Variants in MAP4K1 observed in about 807,000 individuals in gnomAD.
MAP4K1 encodes the protein MAPK/ERK kinase kinase kinase 1.
MAP4K1 carries 35 observed loss-of-function variants against 122.8 expected under a neutral mutation model. The ratio of observed to expected loss-of-function variants is 0.29; its 90% CI spans 0.22 to 0.38. The LOEUF (loss-of-function observed/expected upper bound fraction) is 0.38, where lower values mean the gene tolerates loss of function less well. Ranked by LOEUF, MAP4K1 falls within the 10% of genes least tolerant of loss-of-function variation. The pLI is 1.00. For synonymous variants in MAP4K1, 412 were observed against 421.3 expected, an observed-to-expected ratio of 0.98 and a Z score of 0.27; for missense variants, 791 against 1,072.6, an observed-to-expected ratio of 0.74 and a Z score of 3.67.
Position 38,608,157 on chromosome 19 carries a change from C to T in MAP4K1, c.1020G>A (p.Glu340=), listed in dbSNP as rs1380108572. 2.6e-6 allele frequency: 4 copies of T among 1,522,258 alleles called. No homozygotes were observed. The Admixed American group carries it at 8.9e-5, about 34-fold the overall frequency. 94.3% of individuals were successfully genotyped at this position (1,522,258 alleles called of 1,614,324 possible). A position where few individuals can be genotyped will look rare whatever the true frequency, so the allele number is the denominator to read the frequency against. The change falls in exon 14 of 31, where the codon GAG becomes GAA. Residue 340 remains glutamate, a synonymous_variant. Transcript: ENST00000396857. ...PDADCCRRHM[E]FRKLRGMETR... is the part of the protein sequence containing the mutation. Reference sequence around the variant, plus strand: ...TCTCCATTCCTCGGAGCTTCCTGAACTCCATGTGCCGCCCTAGGGTGGGTG... The same window carrying T: ...TCTCCATTCCTCGGAGCTTCCTGAATTCCATGTGCCGCCCTAGGGTGGGTG...
chr19:38,612,481 AC>A, intron 9 of MAP4K1, 129 bp downstream of exon 9: 1 of 533,986 alleles, frequency 1.9e-6, no homozygotes. Flanking sequence ...GAGCTGCAGC[AC>A]GTGCAAAGGT....
intron 19 of MAP4K1, among the ~76,000 whole-genome samples, chr19:38,602,911 T>C (rs932503926): frequency 6.8e-6 from 1 of 146,520 alleles, no homozygotes; most frequent in Non-Finnish European, 1.5e-5. Context: ...TATACACACA[T>C]GTACACATAT....
intron 5 of MAP4K1, 40 bp downstream of exon 5, chr19:38,614,350 C>T (rs368492273): frequency 1.2e-6 from 2 of 1,613,782 alleles, no homozygotes; most frequent in Non-Finnish European, 1.7e-6. Flanking sequence ...GTGGGGCCAC[C>T]CTCCCCTCCC....
intron 22 of MAP4K1, among the ~76,000 whole-genome samples, chr19:38,598,872 G>A (rs911022895): frequency 1.1e-4 from 17 of 150,186 alleles, no homozygotes; most frequent in Admixed American, 8.6e-4. Flanking sequence ...AATTAGCCGC[G>A]TGTGGTGGCA....
intron 4 of MAP4K1, 106 bp downstream of exon 4, chr19:38,616,089 C>G (rs1484090658): frequency 1.3e-6 from 1 of 750,448 alleles, no homozygotes; most frequent in Non-Finnish European, 2.1e-6. Flanking sequence ...CCCAGAAAGA[C>G]AGTTCCTGTG....
In MAP4K1 at chr19:38,595,707, C is replaced by T. The variant is rs752817783; in HGVS notation, c.2202G>A (p.Pro734=). ...LMDGSVKLVT[P]EGSPVRGLRT... is the part of the protein sequence containing the mutation. The stretch of plus-strand genomic sequence containing the variant: ...GAAGTCCCCGGACTGGGGACCCCTC[C>T]GGGGTCACCAGCTTCACAGAGCCTG... Residue 734 remains proline (P), a synonymous_variant, in exon 28 of 31, where the codon CCG becomes CCA. Transcript: ENST00000396857. 4.2e-5 allele frequency: 68 copies of T among 1,605,930 alleles called. 1 individual carries two copies. The East Asian group carries it at 1.5e-3, about 35-fold the overall frequency.
At chr19:38,602,547 T>TATATATACACACATATACATATATAC (rs745668388) in intron 19 of MAP4K1, among the ~76,000 whole-genome samples, 1 of 143,088 alleles carries the variant, frequency 7.0e-6, no homozygotes, top group African/African-American at 2.7e-5. Context: ...CACATATACA[T>TATATATACACACATATACATATATAC]ATATATACAC....
intron 13 of MAP4K1, 55 bp downstream of exon 13, chr19:38,609,541 C>T (rs1975431081): frequency 9.3e-6 from 14 of 1,512,424 alleles, no homozygotes; most frequent in Non-Finnish European, 1.3e-5. Flanking sequence ...GGAAGGTGGT[C>T]TCTTAGGTCT....
Position 38,617,443 on chromosome 19 carries a change from A to G in MAP4K1, c.159T>C (p.Asp53=). 3.7e-6 allele frequency: 6 copies of G among 1,611,206 alleles called. No homozygotes were observed. Among genetic ancestry groups the G allele is most frequent in the Non-Finnish European group, 5.1e-6 (6 of 1,177,462 alleles). Residue 53 remains aspartate (D), a splice_region_variant and synonymous_variant, in exon 3 of 31, where the codon GAT becomes GAC. Coordinates refer to ENST00000396857, the MANE Select transcript of MAP4K1 (RefSeq NM_001042600.3). The surrounding 1 kb of genome is among the most constrained non-coding windows in gnomAD (Gnocchi z 4.1). ...CCTTCTGAAGGGTGGAGACATCATC[A>G]TCTGTGAGGAGGGCGGGAGAGAAAA... ...VALKMVKMEP[D]DDVSTLQKEI...
intron 20 of MAP4K1, among the ~76,000 whole-genome samples, chr19:38,601,150 T>C (rs1416512504): frequency 1.3e-5 from 2 of 149,622 alleles, no homozygotes; most frequent in Non-Finnish European, 3.0e-5. Context: ...GGTTTCACCA[T>C]GTTGGCCAGG....
At chr19:38,611,608 C>CA (rs1555812280) in intron 9 of MAP4K1, among the ~76,000 whole-genome samples, 22 of 148,878 alleles carry the variant, frequency 1.5e-4, no homozygotes, top group Admixed American at 8.7e-4. Flanking sequence ...CATAGTGAGA[C>CA]AAAAAAAAAA....
chr19:38,608,107 C>T lies in MAP4K1; in HGVS notation c.1065+5G>A, dbSNP rs1465142174. ...GTGGTGGGGAGTGGGGGGACAGCAT[C>T]TCACGGTGTTGGCTGGGGGTCTGGT... On this transcript the variant is annotated splice_donor_5th_base_variant and intron_variant, in intron 14 of 30. Coordinates refer to ENST00000396857, the MANE Select transcript of MAP4K1 (RefSeq NM_001042600.3). The T allele has an allele frequency of 6.5e-7, 1 of 1,543,748 alleles. No homozygotes were observed.
chr19:38,604,260 T>A (rs1415552421), intron 19 of MAP4K1, among the ~76,000 whole-genome samples: 1 of 151,962 alleles, frequency 6.6e-6, no homozygotes, highest in Non-Finnish European at 1.5e-5. Flanking sequence ...TGCATGTACG[T>A]AAAAACACTG....
intron 30 of MAP4K1, among the ~76,000 whole-genome samples, chr19:38,592,806 A>G (rs1293987418): frequency 2.6e-5 from 4 of 151,748 alleles, no homozygotes; most frequent in Non-Finnish European, 4.4e-5. Context: ...AATCCCAGCT[A>G]CTTGGGAGGC....
chr19:38,595,628 C>T lies in MAP4K1; in HGVS notation c.2269+12G>A, dbSNP rs1375271597. 2 of 1,613,982 alleles carry T rather than the reference C, an allele frequency of 1.2e-6. No homozygotes were observed. The highest frequency in any genetic ancestry group is 1.7e-6 in the Non-Finnish European group (2 of 1,179,918). On this transcript the variant is annotated intron_variant, in intron 28 of 30. Transcript: ENST00000396857. ...CACCCCTGATCCTGGGCTCTCCCGT[C>T]CCTGCACAGACCCACGGCCTCCACC...
In MAP4K1 at chr19:38,603,361, TAC is replaced by T. The variant is rs200656984; in HGVS notation, c.1447-1838_1447-1837del. 0.01 allele frequency among the ~76,000 whole-genome samples: 1,502 copies of T among 146,336 alleles called. 64 individuals carry two copies. In the East Asian group the frequency reaches 0.1, roughly 10 times the overall value. On this transcript the variant is annotated intron_variant, in intron 19 of 30. Transcript: ENST00000396857. ...ATACATATATACACATATACATATA[TAC>T]ACACATATACATATATACACATGTA... is the stretch of plus-strand genomic sequence containing the variant.
At chr19:38,604,517 G>A (rs1975264277) in intron 19 of MAP4K1, among the ~76,000 whole-genome samples, 2 of 152,088 alleles carry the variant, frequency 1.3e-5, no homozygotes, top group South Asian at 2.1e-4. Flanking sequence ...GTAGCTGGGC[G>A]CGGTGGCTCA....
rs145992581 is a variant in MAP4K1, at chr19:38,602,411, G to GACAC, written c.1447-890_1447-887dup. Among the ~76,000 whole-genome samples the GACAC allele has an allele frequency of 6.1e-3, 900 of 148,090 alleles. 6 individuals carry two copies. The highest frequency in any genetic ancestry group is 0.015 in the African/African-American group (622 of 40,318). ...ATATACACATATACATATATATATA[G>GACAC]ACACACACACACACACACACATATA... On this transcript the variant is annotated intron_variant, in intron 19 of 30. Transcript: ENST00000396857.
chr19:38,595,718 G>C lies in MAP4K1; in HGVS notation c.2191C>G (p.Leu731Val), dbSNP rs1974854011. 6.2e-7 allele frequency: 1 copy of C among 1,600,832 alleles called. No individual in the cohort carries two copies. Among genetic ancestry groups the C allele is most frequent in the Admixed American group, 1.8e-5 (1 of 56,692 alleles). The change falls in exon 28 of 31, where the codon CTG becomes GTG. Residue 731 changes from leucine to valine, a missense_variant. Coordinates refer to ENST00000396857, the MANE Select transcript of MAP4K1 (RefSeq NM_001042600.3). ...ACTGGGGACCCCTCCGGGGTCACCAGCTTCACAGAGCCTGGAAGGAGATAG... is the reference window on the plus strand; with the variant it reads ...ACTGGGGACCCCTCCGGGGTCACCACCTTCACAGAGCCTGGAAGGAGATAG... Reference protein sequence around the residue: ...VMVLMDGSVKLVTPEGSPVRG... With the variant: ...VMVLMDGSVKVVTPEGSPVRG...
Sources: gnomAD v4.1 joint callset for allele counts (sites outside exome capture counted in the v4.1 genomes callset) on GRCh38, gnomAD v4.1.1 for gene constraint, Gnocchi (gnomAD v3.1) non-coding constraint, MANE v1.5 for transcripts, NCBI Gene and HGNC (gene_info 2026-07-23, HGNC 2026-07-21) for gene names.